PJA2: variants seen among roughly 807,000 people sequenced by gnomAD.
PJA2 encodes the protein E3 ubiquitin-protein ligase Praja-2.
Under a neutral mutation model 69.3 loss-of-function variants are expected in PJA2, and 25 were observed. The observed-to-expected ratio is 0.36, with a 90% CI of 0.26 to 0.50. The LOEUF (loss-of-function observed/expected upper bound fraction) is 0.50, where lower values mean the gene tolerates loss of function less well. PJA2 is among the 20% of genes least tolerant of loss of function. PJA2 has a pLI of 0.96. For synonymous variants in PJA2, 308 were observed against 277.8 expected (o/e 1.11, Z -1.08); for missense variants, 809 against 830.2 (o/e 0.97, Z 0.31).
chr5:109,363,516 T>C (rs563751141), intron 5 of PJA2, among the ~76,000 whole-genome samples: 47 of 152,320 alleles, frequency 3.1e-4, no homozygotes, highest in African/African-American at 9.9e-4. Flanking sequence ...CACATGGAGA[T>C]CATTTCTACC....
At chr5:109,356,224 G>T (rs141083961) in intron 6 of PJA2, among the ~76,000 whole-genome samples, 198 bp from the exon 7 acceptor site, 1 of 152,246 alleles carries the variant, frequency 6.6e-6, no homozygotes, top group East Asian at 1.9e-4. Flanking sequence ...AAGATGAGTA[G>T]TTAAGATACC....
At chr5:109,338,513 G>A (rs140457622) in intron 9 of PJA2, among the ~76,000 whole-genome samples, 1 of 151,752 alleles carries the variant, frequency 6.6e-6, no homozygotes, top group East Asian at 1.9e-4. Flanking sequence ...TGCAGCATGC[G>A]CCTTTAGTCC....
At chr5:109,385,732 G>A (rs1747141968) in intron 1 of PJA2, among the ~76,000 whole-genome samples, 1 of 152,114 alleles carries the variant, frequency 6.6e-6, no homozygotes, top group Non-Finnish European at 1.5e-5. Flanking sequence ...AAGAGGCCAG[G>A]GAAAAAGAAG....
chr5:109,383,569 T>G (rs1046157556), intron 1 of PJA2, 49 bp from the exon 2 acceptor site: 8 of 641,082 alleles, frequency 1.2e-5, no homozygotes, highest in African/African-American at 1.8e-5. Context: ...AGCACAAAAA[T>G]AGCAAAACTG....
At chr5:109,387,016 T>C (rs1747174164) in intron 1 of PJA2, among the ~76,000 whole-genome samples, 1 of 152,198 alleles carries the variant, frequency 6.6e-6, no homozygotes, top group East Asian at 1.9e-4. Flanking sequence ...ATCTTTTTCC[T>C]CACTACTTTT....
chr5:109,358,843 C>G (rs2126996828), intron 6 of PJA2, among the ~76,000 whole-genome samples: 1 of 152,122 alleles, frequency 6.6e-6, no homozygotes. Flanking sequence ...AAACAAAAAA[C>G]AAAAAATTGT....
At chr5:109,354,018 ATCTAT>A (rs374140360) in intron 7 of PJA2, among the ~76,000 whole-genome samples, 121 of 125,812 alleles carry the variant, frequency 9.6e-4, no homozygotes, top group Middle Eastern at 0.011. Context: ...TAGATTAGAT[ATCTAT>A]GATATCTAGA....
Position 109,335,413 on chromosome 5 carries a change from CAAA to C in PJA2, c.*1815_*1817del, listed in dbSNP as rs1322214450. On this transcript the variant is annotated 3_prime_UTR_variant, in exon 10 of 10. Transcript: ENST00000361189. ...CAGATAATAGCTAAATCTTAACAGA[CAAA>C]GAAGAAATATTTTCTTTGGGACAGC... 6.6e-6 allele frequency: 1 copy of C among 152,534 alleles called. No homozygotes were observed. Among genetic ancestry groups the C allele is most frequent in the African/African-American group, 2.4e-5 (1 of 41,436 alleles). The allele number at this position is 152,534 out of a possible 1,614,324, so 9.4% of individuals were successfully genotyped here.
chr5:109,353,821 CTAT>C (rs1436202220), intron 7 of PJA2, among the ~76,000 whole-genome samples: 2 of 117,436 alleles, frequency 1.7e-5, no homozygotes, highest in Non-Finnish European at 3.6e-5. Flanking sequence ...GATTAGATGT[CTAT>C]GATATCTAGA....
chr5:109,407,330 C>T (rs1001075136), intron 1 of PJA2, among the ~76,000 whole-genome samples: 4 of 152,090 alleles, frequency 2.6e-5, no homozygotes, highest in Middle Eastern at 3.2e-3. Flanking sequence ...TAAGAAAACT[C>T]ATTTATGGTT....
chr5:109,406,700 A>C (rs1017207846), intron 1 of PJA2, among the ~76,000 whole-genome samples: 15 of 152,236 alleles, frequency 9.9e-5, no homozygotes, highest in African/African-American at 3.6e-4. Flanking sequence ...GTTCACAAAA[A>C]TTCAAAATAA....
chr5:109,390,411 T>C (rs1318928092), intron 1 of PJA2, among the ~76,000 whole-genome samples: 1 of 152,052 alleles, frequency 6.6e-6, no homozygotes, highest in Non-Finnish European at 1.5e-5. Flanking sequence ...ATCAGCTTTC[T>C]TTTGGTATTT....
At chr5:109,362,346 C>G (rs1277149405) in intron 6 of PJA2, among the ~76,000 whole-genome samples, 3 of 152,118 alleles carry the variant, frequency 2.0e-5, no homozygotes, top group Non-Finnish European at 4.4e-5. Flanking sequence ...TATTCTTTGT[C>G]AAGCATAAAG....
At chr5:109,346,759 G>A (rs1365932499) in intron 7 of PJA2, among the ~76,000 whole-genome samples, 1 of 152,146 alleles carries the variant, frequency 6.6e-6, no homozygotes, top group African/African-American at 2.4e-5. Context: ...GGAAAGATGG[G>A]AAAATGGGGA....
chr5:109,344,963 C>A, intron 7 of PJA2, 144 bp from the exon 8 acceptor site: 1 of 515,442 alleles, frequency 1.9e-6, no homozygotes. Context: ...CCTTTTGCCT[C>A]TTCAGAAGGA....
chr5:109,393,371 T>C (rs943390485), intron 1 of PJA2, among the ~76,000 whole-genome samples: 1 of 152,260 alleles, frequency 6.6e-6, no homozygotes, highest in Non-Finnish European at 1.5e-5. Context: ...GCAATTTTCA[T>C]ATTACAGCTG....
intron 9 of PJA2, 66 bp from the exon 10 acceptor site, chr5:109,337,422 A>G: frequency 6.7e-7 from 1 of 1,489,608 alleles, no homozygotes; most frequent in Non-Finnish European, 8.9e-7. Context: ...TAACTTAATA[A>G]AGAAAAAACA....
intron 7 of PJA2, among the ~76,000 whole-genome samples, chr5:109,345,370 A>G (rs77903758): frequency 3.6e-4 from 55 of 151,244 alleles, no homozygotes; most frequent in African/African-American, 1.2e-3. Context: ...AAAAAAAAAA[A>G]GCAGGTCGTG....
At chr5:109,344,684 T>G (rs1762144825) in intron 8 of PJA2, 21 bp downstream of exon 8, 39 of 1,469,690 alleles carry the variant, frequency 2.7e-5, no homozygotes, top group Non-Finnish European at 3.5e-5. Context: ...CTTCAACATT[T>G]GAGATCAACT....
Sources: gnomAD v4.1 joint callset for allele counts (sites outside exome capture counted in the v4.1 genomes callset) on GRCh38, gnomAD v4.1.1 for gene constraint, MANE v1.5 for transcripts, NCBI Gene and HGNC (gene_info 2026-07-23, HGNC 2026-07-21) for gene names.